Variants in TNRC6A observed in about 807,000 individuals in gnomAD.
TNRC6A encodes the protein trinucleotide repeat-containing gene 6A protein.
TNRC6A carries 44 observed loss-of-function variants against 221.2 expected under a neutral mutation model. The ratio of observed to expected loss-of-function variants is 0.20; its 90% CI spans 0.16 to 0.26. The LOEUF is 0.26. TNRC6A is among the 10% of genes least tolerant of loss of function. The pLI is 1.00. For missense variants in TNRC6A, 2,199 were observed against 2,404.4 expected, an observed-to-expected ratio of 0.91 and a Z score of 1.79; for synonymous variants, 847 against 838.5, an observed-to-expected ratio of 1.01 and a Z score of -0.18.
chr16:24,646,094 G>A (rs1251145943), intron 2 of TNRC6A, among the ~76,000 whole-genome samples: 1 of 151,976 alleles, frequency 6.6e-6, no homozygotes, highest in East Asian at 1.9e-4. Context: ...ATTATGAAAT[G>A]TTTTCATTTC....
chr16:24,658,198 G>C (rs1346541020), intron 2 of TNRC6A, among the ~76,000 whole-genome samples: 1 of 152,086 alleles, frequency 6.6e-6, no homozygotes, highest in South Asian at 2.1e-4. Context: ...TCTGCTTGCT[G>C]TTTTATTTCA....
At chr16:24,670,095 G>A (rs953972507) in intron 2 of TNRC6A, among the ~76,000 whole-genome samples, 13 of 151,422 alleles carry the variant, frequency 8.6e-5, no homozygotes, top group Admixed American at 5.9e-4. Context: ...GACTACAGGT[G>A]CATGCCACCA....
At chr16:24,762,645 T>G (rs1370184081) in intron 4 of TNRC6A, among the ~76,000 whole-genome samples, 1 of 152,210 alleles carries the variant, frequency 6.6e-6, no homozygotes, top group Non-Finnish European at 1.5e-5. Context: ...TAGCACAAGG[T>G]AAGTTTACGT....
intron 2 of TNRC6A, among the ~76,000 whole-genome samples, chr16:24,700,989 G>A (rs1220409240): frequency 6.6e-6 from 1 of 152,194 alleles, no homozygotes; most frequent in Non-Finnish European, 1.5e-5. Context: ...GGTCATCCCA[G>A]GCTGAATTAA....
At chr16:24,788,091 G>A (rs2058013375) in intron 5 of TNRC6A, among the ~76,000 whole-genome samples, 1 of 152,154 alleles carries the variant, frequency 6.6e-6, no homozygotes, top group Non-Finnish European at 1.5e-5. Context: ...TAAGAATCTG[G>A]GGAACTATTC....
intron 22 of TNRC6A, among the ~76,000 whole-genome samples, chr16:24,821,084 G>C (rs1567526185): frequency 6.6e-6 from 1 of 152,230 alleles, no homozygotes; most frequent in Non-Finnish European, 1.5e-5. Flanking sequence ...GTGATTGGCT[G>C]TAGGAAAACT....
chr16:24,719,325 T>A (rs2056370247), intron 2 of TNRC6A, among the ~76,000 whole-genome samples: 1 of 151,992 alleles, frequency 6.6e-6, no homozygotes, highest in Admixed American at 6.6e-5. Flanking sequence ...GTTCAAGAGT[T>A]TGAGACTGGG....
At chr16:24,730,977 A>ATT (rs34743729) in intron 2 of TNRC6A, among the ~76,000 whole-genome samples, 138 of 145,420 alleles carry the variant, frequency 9.5e-4, no homozygotes, top group South Asian at 4.6e-3. Context: ...TGAAGGGAGA[A>ATT]TTTTTTTTTT....
chr16:24,750,528 T>A (rs2057111862), intron 2 of TNRC6A, among the ~76,000 whole-genome samples, 198 bp from the exon 3 acceptor site: 1 of 152,118 alleles, frequency 6.6e-6, no homozygotes, highest in South Asian at 2.1e-4. Flanking sequence ...TACTTGTGGC[T>A]TATTAAAGTG....
intron 2 of TNRC6A, among the ~76,000 whole-genome samples, chr16:24,736,316 G>T (rs1472531232): frequency 6.6e-6 from 1 of 152,142 alleles, no homozygotes; most frequent in Non-Finnish European, 1.5e-5. Flanking sequence ...ATGGCAGTAG[G>T]TATCTCACAG....
chr16:24,724,792 C>T (rs1019248850), upstream of TNRC6A, among the ~76,000 whole-genome samples: 1 of 151,938 alleles, frequency 6.6e-6, no homozygotes, highest in Non-Finnish European at 1.5e-5. Context: ...CTCATATCCA[C>T]GTTCATGTTT....
chr16:24,688,093 C>CT (rs756078892), intron 2 of TNRC6A, among the ~76,000 whole-genome samples: 2 of 147,450 alleles, frequency 1.4e-5, no homozygotes, highest in African/African-American at 2.5e-5. Flanking sequence ...CCACCATGCC[C>CT]TGCTAATTTT....
chr16:24,648,274 C>CTTTTTTTTTTT (rs71156430), intron 2 of TNRC6A, among the ~76,000 whole-genome samples: 5,068 of 97,370 alleles, frequency 0.052, 1,228 homozygotes, highest in African/African-American at 0.19. Flanking sequence ...TCCACAGCAA[C>CTTTTTTTTTTT]TTTTTTTTTT....
chr16:24,653,434 C>T (rs1902773671), intron 2 of TNRC6A, among the ~76,000 whole-genome samples: 1 of 152,076 alleles, frequency 6.6e-6, no homozygotes, highest in Non-Finnish European at 1.5e-5. Context: ...ATCTAAAATA[C>T]ATCAGAAATA....
At chr16:24,728,901 C>A (rs1160268141), upstream of TNRC6A, among the ~76,000 whole-genome samples, 1 of 151,870 alleles carries the variant, frequency 6.6e-6, no homozygotes, top group East Asian at 1.9e-4. Flanking sequence ...TCCTCCATGC[C>A]GGGATTATTC....
At chr16:24,726,039 C>T (rs557881914), upstream of TNRC6A, among the ~76,000 whole-genome samples, 1 of 151,800 alleles carries the variant, frequency 6.6e-6, no homozygotes, top group Admixed American at 6.6e-5. Flanking sequence ...TGCTAGACTT[C>T]ATCCACCACT....
At chr16:24,644,081 ATT>A (rs748251760) in intron 2 of TNRC6A, among the ~76,000 whole-genome samples, 62 of 81,560 alleles carry the variant, frequency 7.6e-4, no homozygotes, top group African/African-American at 3.1e-3. Flanking sequence ...CTTATCTTTA[ATT>A]TTTTTTTTTT....
chr16:24,644,500 C>T (rs569789743), intron 2 of TNRC6A, among the ~76,000 whole-genome samples: 2 of 152,182 alleles, frequency 1.3e-5, no homozygotes, highest in South Asian at 2.1e-4. Context: ...CACTACGTTG[C>T]CCAGGCTGGT....
In TNRC6A at chr16:24,823,790, G is replaced by A. The variant is rs752774712; in HGVS notation, c.5872G>A (p.Gly1958Ser). Residue 1958 changes from glycine to serine, a missense_variant, in exon 25 of 25, where the codon GGT (glycine) becomes AGT (serine). This residue lies in a region of TNRC6A where 130 missense variants were observed against 121.7 expected (regional missense o/e 1.07). Coordinates refer to ENST00000395799, the MANE Select transcript of TNRC6A (RefSeq NM_014494.4). The surrounding 1 kb of genome is among the most constrained non-coding windows in gnomAD (Gnocchi z 4.3). Reference sequence around the variant, plus strand: ...TCTTTCTGTTGACCACCTGGGTGGGGGTGGAGAGTCCATGTAACAGTGTAG... The same window carrying A: ...TCTTTCTGTTGACCACCTGGGTGGGAGTGGAGAGTCCATGTAACAGTGTAG... ...AFLSVDHLGG[G>S]GESM The A allele has an allele frequency of 7.5e-6, 11 of 1,475,000 alleles. No homozygotes were observed. The highest frequency in any genetic ancestry group is 9.9e-6 in the Non-Finnish European group (11 of 1,112,382). The allele number at this position is 1,475,000 out of a possible 1,614,324, so 91.4% of individuals were successfully genotyped here. A position where few individuals can be genotyped will look rare whatever the true frequency, so the allele number is the denominator to read the frequency against.
Sources: gnomAD v4.1 joint callset for allele counts (sites outside exome capture counted in the v4.1 genomes callset) on GRCh38, gnomAD v4.1.1 for gene constraint, gnomAD v4.1.1 regional missense constraint, Gnocchi (gnomAD v3.1) non-coding constraint, MANE v1.5 for transcripts, NCBI Gene and HGNC (gene_info 2026-07-23, HGNC 2026-07-21) for gene names.